SLC23A2: variants seen among roughly 807,000 people sequenced by gnomAD.
The protein encoded by SLC23A2 is Na(+)/L-ascorbic acid transporter 2.
In SLC23A2, 36 loss-of-function variants were observed where a neutral mutation model predicts 73.3. That is an observed-to-expected ratio of 0.49 (90% confidence interval 0.38 to 0.65). The LOEUF (loss-of-function observed/expected upper bound fraction) is 0.65, where lower values mean the gene tolerates loss of function less well. Ranked by LOEUF, SLC23A2 falls within the 30% of genes least tolerant of loss-of-function variation. SLC23A2 has a pLI of 0.00. For missense variants in SLC23A2, 507 were observed against 841.6 expected (o/e 0.60, Z 4.92); for synonymous variants, 343 against 327.3 (o/e 1.05, Z -0.52).
intron 1 of SLC23A2, among the ~76,000 whole-genome samples, chr20:4,988,695 C>T (rs1329560779): frequency 6.6e-6 from 1 of 150,916 alleles, no homozygotes; most frequent in Non-Finnish European, 1.5e-5. Flanking sequence ...GAGATCGCGC[C>T]CCTGCACTCC....
chr20:4,882,244 G>T (rs1319273181), intron 9 of SLC23A2, among the ~76,000 whole-genome samples: 1 of 152,060 alleles, frequency 6.6e-6, no homozygotes, highest in African/African-American at 2.4e-5. Flanking sequence ...GTGTGGTGGT[G>T]GGTGCTTGTA....
intron 13 of SLC23A2, among the ~76,000 whole-genome samples, chr20:4,867,244 G>A (rs1237463797): frequency 6.6e-6 from 1 of 151,922 alleles, no homozygotes; most frequent in South Asian, 2.1e-4. Context: ...TCCACTTCCA[G>A]GATAGGGCTC....
At chr20:4,973,350 T>C (rs998739911) in intron 1 of SLC23A2, among the ~76,000 whole-genome samples, 14 of 152,204 alleles carry the variant, frequency 9.2e-5, no homozygotes, top group African/African-American at 3.4e-4. Flanking sequence ...AGAATGTCAT[T>C]TTTAGCTACA....
In SLC23A2 at chr20:4,862,035, A is replaced by C; in HGVS notation, c.1537T>G (p.Ser513Ala). The change falls in exon 15 of 17, where the codon TCT (serine) becomes GCT (alanine). Residue 513 changes from serine to alanine, a missense_variant. Physicochemically the swap from Ser to Ala is moderately conservative, Grantham distance 99. Around this residue, in one of 5 missense-constraint regions of SLC23A2, gnomAD observed 168 missense variants for 302.3 expected, o/e 0.56. Transcript: ENST00000338244. This position sits in a 1 kb window ranked among gnomAD's most constrained non-coding sequence, Gnocchi z 5.1. ...CCAAGCACAAAGAGGTTCCGGGAAG[A>C]ATTTAAATCAATGAACTGCAGGTTA... ...LSNLQFIDLNSSRNLFVLGFS... is the reference protein window; with the variant it reads ...LSNLQFIDLNASRNLFVLGFS... The C allele has an allele frequency of 6.2e-7, 1 of 1,614,216 alleles. No homozygotes were observed. Among genetic ancestry groups the C allele is most frequent in the African/African-American group, 1.3e-5 (1 of 75,064 alleles).
chr20:4,858,320 T>A (rs1206970223), intron 16 of SLC23A2, among the ~76,000 whole-genome samples: 1 of 152,202 alleles, frequency 6.6e-6, no homozygotes, highest in Non-Finnish European at 1.5e-5. Flanking sequence ...GACTTTTTTT[T>A]ATATCTAAGC....
At chr20:4,864,156 G>C (rs1054438578) in intron 13 of SLC23A2, among the ~76,000 whole-genome samples, 4 of 152,222 alleles carry the variant, frequency 2.6e-5, no homozygotes, top group Non-Finnish European at 5.9e-5. Flanking sequence ...CAGAGTGTTT[G>C]GGGGAGTATC....
chr20:4,859,162 C>T (rs564640580), intron 16 of SLC23A2, 127 bp downstream of exon 16: 3 of 644,096 alleles, frequency 4.7e-6, no homozygotes, highest in East Asian at 2.6e-5. Flanking sequence ...TTTTAGAAAA[C>T]AGTTATAACC....
chr20:4,992,401 T>A (rs2087939848), intron 1 of SLC23A2, among the ~76,000 whole-genome samples: 1 of 151,512 alleles, frequency 6.6e-6, no homozygotes, highest in Admixed American at 6.6e-5. Context: ...AATATCAGAC[T>A]AATTATAGCC....
chr20:4,888,275 T>G (rs1931183964), intron 6 of SLC23A2, among the ~76,000 whole-genome samples: 1 of 152,222 alleles, frequency 6.6e-6, no homozygotes, highest in African/African-American at 2.4e-5. Context: ...ACTCACGGTC[T>G]AAGGCTGCTT....
chr20:4,991,503 C>T (rs960648706), intron 1 of SLC23A2, among the ~76,000 whole-genome samples: 1 of 152,022 alleles, frequency 6.6e-6, no homozygotes, highest in Non-Finnish European at 1.5e-5. Context: ...GCAGGTGGAT[C>T]ACAAGGTCAG....
intron 12 of SLC23A2, 132 bp downstream of exon 12, chr20:4,869,774 A>G (rs1930365320): frequency 2.8e-6 from 2 of 701,950 alleles, no homozygotes; most frequent in Admixed American, 6.1e-5. Context: ...TGCATCAAAC[A>G]GTCGCTAGAG....
intron 6 of SLC23A2, among the ~76,000 whole-genome samples, chr20:4,894,754 T>C (rs965276953): frequency 6.6e-6 from 1 of 152,232 alleles, no homozygotes; most frequent in African/African-American, 2.4e-5. Flanking sequence ...CTGTGTCTTC[T>C]GCAAAGACAC....
At chr20:4,986,758 T>C (rs2087837552) in intron 1 of SLC23A2, among the ~76,000 whole-genome samples, 1 of 149,904 alleles carries the variant, frequency 6.7e-6, no homozygotes, top group South Asian at 2.1e-4. Context: ...ATTTTAGCAG[T>C]TGACCGTATT....
intron 3 of SLC23A2, among the ~76,000 whole-genome samples, chr20:4,928,899 G>T (rs1932753912): frequency 1.3e-5 from 2 of 152,084 alleles, no homozygotes; most frequent in African/African-American, 4.8e-5. Flanking sequence ...ATGTAACAGG[G>T]ATAGAGGGAA....
intron 1 of SLC23A2, among the ~76,000 whole-genome samples, chr20:4,977,841 T>C (rs1418466829): frequency 6.6e-6 from 1 of 152,126 alleles, no homozygotes; most frequent in African/African-American, 2.4e-5. Context: ...ACCTGGCCTA[T>C]TTGTGATTTT....
At chr20:5,007,051 C>T (rs2088199764) in intron 1 of SLC23A2, among the ~76,000 whole-genome samples, 1 of 151,684 alleles carries the variant, frequency 6.6e-6, no homozygotes, top group Non-Finnish European at 1.5e-5. Context: ...AACCTGAAAA[C>T]AACCTAAACA....
At chr20:4,997,268 T>A (rs1420815550) in intron 1 of SLC23A2, among the ~76,000 whole-genome samples, 1 of 152,142 alleles carries the variant, frequency 6.6e-6, no homozygotes, top group South Asian at 2.1e-4. Flanking sequence ...TCTACCACCC[T>A]CAAGGTAAAA....
chr20:4,972,734 C>T (rs536490483), intron 1 of SLC23A2, among the ~76,000 whole-genome samples: 34 of 152,112 alleles, frequency 2.2e-4, no homozygotes, highest in African/African-American at 8.0e-4. Context: ...TACAGGTGCC[C>T]GCCACCATGC....
chr20:4,986,649 TACACACACACAC>T (rs55738084), intron 1 of SLC23A2, among the ~76,000 whole-genome samples: 17 of 129,826 alleles, frequency 1.3e-4, no homozygotes, highest in African/African-American at 2.5e-4. Context: ...CATACACACA[TACACACACACAC>T]ACACACACAC....
Sources: allele counts gnomAD v4.1 joint callset (sites outside exome capture counted in the v4.1 genomes callset), GRCh38; gene constraint gnomAD v4.1.1; regional missense constraint gnomAD v4.1.1; non-coding constraint Gnocchi (gnomAD v3.1); transcripts MANE v1.5; gene names NCBI Gene and HGNC (gene_info 2026-07-23, HGNC 2026-07-21).